TCF7L2: variants seen among roughly 807,000 people sequenced by gnomAD.
The protein encoded by TCF7L2 is transcription factor 7-like 2.
Under a neutral mutation model 77.9 loss-of-function variants are expected in TCF7L2, and 23 were observed. The ratio of observed to expected loss-of-function variants is 0.30; its 90% CI spans 0.21 to 0.42. TCF7L2 has a LOEUF of 0.42. TCF7L2 is among the 10% of genes least tolerant of loss of function. The pLI is 1.00. For synonymous variants in TCF7L2, 413 were observed against 340.2 expected (o/e 1.21, Z -2.36); for missense variants, 654 against 793.1 (o/e 0.82, Z 2.11).
At chr10:113,078,068 T>C (rs1205242964) in intron 5 of TCF7L2, among the ~76,000 whole-genome samples, 1 of 151,850 alleles carries the variant, frequency 6.6e-6, no homozygotes, top group African/African-American at 2.4e-5. Flanking sequence ...TGAATAATAT[T>C]TCATTATATG....
At chr10:113,001,405 G>A (rs1416492442) in intron 4 of TCF7L2, among the ~76,000 whole-genome samples, 2 of 152,212 alleles carry the variant, frequency 1.3e-5, no homozygotes, top group Non-Finnish European at 1.5e-5. Flanking sequence ...AGCCAGCTCC[G>A]AGTTCTGTGC....
chr10:113,102,585 C>T (rs958006978), intron 5 of TCF7L2, among the ~76,000 whole-genome samples: 2 of 151,986 alleles, frequency 1.3e-5, no homozygotes, highest in Admixed American at 6.6e-5. Flanking sequence ...CCATCATGCC[C>T]AGCTAATTTT....
chr10:112,965,891 A>T (rs1483204947), intron 4 of TCF7L2, among the ~76,000 whole-genome samples: 2 of 151,908 alleles, frequency 1.3e-5, no homozygotes, highest in African/African-American at 4.8e-5. Context: ...AAAATATTTG[A>T]GGCTGGGTGA....
chr10:113,130,309 G>T (rs2066380576), intron 5 of TCF7L2, among the ~76,000 whole-genome samples: 1 of 152,176 alleles, frequency 6.6e-6, no homozygotes, highest in East Asian at 1.9e-4. Context: ...CTGGGAAGGG[G>T]TGGTACGGTT....
intron 5 of TCF7L2, among the ~76,000 whole-genome samples, chr10:113,095,898 C>T (rs967519497): frequency 9.2e-5 from 14 of 152,200 alleles, no homozygotes; most frequent in Non-Finnish European, 7.3e-5. Context: ...TGGCTACCTC[C>T]CTTTTCCCCT....
intron 3 of TCF7L2, among the ~76,000 whole-genome samples, chr10:112,953,235 A>T (rs1007434001): frequency 6.6e-6 from 1 of 151,852 alleles, no homozygotes; most frequent in Non-Finnish European, 1.5e-5. Flanking sequence ...ATGGCTAGGG[A>T]AGAGAAATAA....
At chr10:113,023,116 T>C (rs1590614204) in intron 4 of TCF7L2, among the ~76,000 whole-genome samples, 1 of 152,152 alleles carries the variant, frequency 6.6e-6, no homozygotes, top group East Asian at 1.9e-4. Context: ...CTGGGCACAT[T>C]GGCATTAAAG....
intron 5 of TCF7L2, among the ~76,000 whole-genome samples, chr10:113,123,517 A>C (rs1217189742): frequency 1.3e-5 from 2 of 152,216 alleles, no homozygotes; most frequent in Non-Finnish European, 2.9e-5. Context: ...TGCCTTTCTA[A>C]AATAAAGGAA....
chr10:113,089,523 G>A (rs965385818), intron 5 of TCF7L2: 2 of 1,613,790 alleles, frequency 1.2e-6, no homozygotes. Flanking sequence ...AAAAGTTGGG[G>A]AGCCCTGGTG....
intron 4 of TCF7L2, among the ~76,000 whole-genome samples, chr10:112,967,099 G>T (rs192954856): frequency 4.5e-4 from 68 of 152,304 alleles, no homozygotes; most frequent in African/African-American, 1.6e-3. Flanking sequence ...AAGCTTAGAC[G>T]AAATGAAATT....
intron 13 of TCF7L2, 46 bp from the exon 15 acceptor site, chr10:113,165,509 G>T (rs750800593): frequency 2.5e-6 from 4 of 1,589,522 alleles, no homozygotes; most frequent in Non-Finnish European, 3.4e-6. Context: ...CTCTCCCTTG[G>T]CATCTGTGCC....
intron 4 of TCF7L2, among the ~76,000 whole-genome samples, chr10:113,014,422 C>G (rs537610087): frequency 2.6e-5 from 4 of 152,290 alleles, no homozygotes; most frequent in African/African-American, 9.6e-5. Flanking sequence ...GAAATACCTT[C>G]TTGACATTGG....
At chr10:113,055,364 C>T (rs1232663218) in intron 5 of TCF7L2, among the ~76,000 whole-genome samples, 1 of 152,154 alleles carries the variant, frequency 6.6e-6, no homozygotes, top group Non-Finnish European at 1.5e-5. Context: ...TTTGATGACT[C>T]CTGAGGTTGA....
intron 5 of TCF7L2, among the ~76,000 whole-genome samples, chr10:113,056,997 G>A (rs1346218610): frequency 6.6e-6 from 1 of 152,210 alleles, no homozygotes. Context: ...TATCTGCTCT[G>A]TGTATGTCAG....
intron 13 of TCF7L2, among the ~76,000 whole-genome samples, chr10:113,160,939 AC>A (rs1254497225): frequency 3.9e-5 from 6 of 152,136 alleles, no homozygotes; most frequent in African/African-American, 1.4e-4. Context: ...CACAGCCTTA[AC>A]AAACAAGGAG....
intron 4 of TCF7L2, among the ~76,000 whole-genome samples, chr10:113,031,177 T>C (rs573745389): frequency 6.6e-6 from 1 of 152,334 alleles, no homozygotes; most frequent in South Asian, 2.1e-4. Context: ...CTTTCTTCTG[T>C]TTTAAGATGG....
At chr10:113,131,001 G>T (rs1425398308) in intron 5 of TCF7L2, among the ~76,000 whole-genome samples, 1 of 152,104 alleles carries the variant, frequency 6.6e-6, no homozygotes, top group South Asian at 2.1e-4. Flanking sequence ...CCTGACCTCA[G>T]GTGATCCGCC....
intron 5 of TCF7L2, among the ~76,000 whole-genome samples, chr10:113,075,024 T>C (rs1207582868): frequency 1.3e-5 from 2 of 152,222 alleles, no homozygotes; most frequent in Non-Finnish European, 2.9e-5. Context: ...TTTATTTATT[T>C]AGAGACAGGG....
At chr10:112,953,194 G>A (rs1394313102) in intron 3 of TCF7L2, among the ~76,000 whole-genome samples, 1 of 152,064 alleles carries the variant, frequency 6.6e-6, no homozygotes, top group Non-Finnish European at 1.5e-5. Context: ...TGGCAAAATG[G>A]CAAGGGCATG....
Sources: gnomAD v4.1 joint callset for allele counts (sites outside exome capture counted in the v4.1 genomes callset) on GRCh38, gnomAD v4.1.1 for gene constraint, MANE v1.5 for transcripts, NCBI Gene and HGNC (gene_info 2026-07-23, HGNC 2026-07-21) for gene names.